Variants in LARGE1 observed in about 807,000 individuals in gnomAD.
The protein encoded by LARGE1 is xylosyl- and glucuronyltransferase LARGE1.
A neutral mutation model predicts 87.6 loss-of-function variants in LARGE1; 43 were observed. The ratio of observed to expected loss-of-function variants is 0.49; its 90% CI spans 0.38 to 0.63. The LOEUF (loss-of-function observed/expected upper bound fraction) is 0.63, where lower values mean the gene tolerates loss of function less well. Ranked by LOEUF, LARGE1 falls within the 30% of genes least tolerant of loss-of-function variation. The pLI is 0.00. For missense variants in LARGE1, 802 were observed against 1,000.2 expected, an observed-to-expected ratio of 0.80 and a Z score of 2.67; for synonymous variants, 434 against 394.6, an observed-to-expected ratio of 1.10 and a Z score of -1.18.
At chr22:33,530,351 C>T (rs761882584) in intron 6 of LARGE1, among the ~76,000 whole-genome samples, 8 of 152,074 alleles carry the variant, frequency 5.3e-5, no homozygotes, top group Non-Finnish European at 7.4e-5. Flanking sequence ...GCCAAAAGCT[C>T]TCCTAACTGA....
downstream of LARGE1, among the ~76,000 whole-genome samples, chr22:33,158,833 T>G (rs1308959755): frequency 2.0e-5 from 3 of 152,192 alleles, no homozygotes; most frequent in Non-Finnish European, 4.4e-5. Flanking sequence ...GCAGATAGAA[T>G]AGGGTGGAAT....
chr22:33,388,888 A>G (rs2065418573), intron 7 of LARGE1, among the ~76,000 whole-genome samples: 1 of 152,212 alleles, frequency 6.6e-6, no homozygotes. Flanking sequence ...GGCTTTATTC[A>G]ACATATTAAC....
chr22:33,156,244 G>A, the LARGE1 span, among the ~76,000 whole-genome samples: 110 of 152,236 alleles, frequency 7.2e-4, no homozygotes, highest in Admixed American at 2.6e-3. Flanking sequence ...ATCCCAGAAC[G>A]GTAGATCCAC....
chr22:33,406,923 G>T (rs2066122712), intron 7 of LARGE1, among the ~76,000 whole-genome samples: 1 of 152,006 alleles, frequency 6.6e-6, no homozygotes, highest in Admixed American at 6.6e-5. Flanking sequence ...CTCCCAAGGA[G>T]CTGGGATTAC....
At chr22:33,853,492 G>C (rs1443864744) in intron 1 of LARGE1, among the ~76,000 whole-genome samples, 2 of 152,218 alleles carry the variant, frequency 1.3e-5, no homozygotes, top group East Asian at 3.9e-4. Context: ...TCAACATCTA[G>C]ATGGCCAAAG....
intron 7 of LARGE1, among the ~76,000 whole-genome samples, chr22:33,386,614 T>G (rs1272530328): frequency 6.7e-6 from 1 of 148,832 alleles, no homozygotes; most frequent in African/African-American, 2.4e-5. Context: ...CAATATCATA[T>G]CACTGAATAT....
intron 2 of LARGE1, among the ~76,000 whole-genome samples, chr22:33,752,269 T>C (rs778033148): frequency 9.2e-5 from 14 of 152,126 alleles, no homozygotes; most frequent in Non-Finnish European, 1.8e-4. Context: ...GGTAATACTT[T>C]GGGTAAGTTT....
At chr22:33,580,388 A>G (rs1349668748) in intron 5 of LARGE1, among the ~76,000 whole-genome samples, 9 of 151,880 alleles carry the variant, frequency 5.9e-5, no homozygotes, top group Non-Finnish European at 1.2e-4. Context: ...AAAAAAAAAA[A>G]GCAGACACAA....
chr22:33,413,693 C>T (rs1047777234), intron 7 of LARGE1, among the ~76,000 whole-genome samples: 5 of 151,978 alleles, frequency 3.3e-5, no homozygotes, highest in Non-Finnish European at 7.4e-5. Context: ...TCTTGAACTC[C>T]TGACCTTGTG....
At chr22:33,910,784 G>GT (rs2065613007) in intron 1 of LARGE1, among the ~76,000 whole-genome samples, 1 of 152,160 alleles carries the variant, frequency 6.6e-6, no homozygotes, top group Non-Finnish European at 1.5e-5. Context: ...AAAAAGCAGC[G>GT]TAACAAGGCC....
chr22:33,414,224 CT>C (rs1451382647), intron 7 of LARGE1, among the ~76,000 whole-genome samples: 1 of 152,128 alleles, frequency 6.6e-6, no homozygotes, highest in African/African-American at 2.4e-5. Flanking sequence ...GTACATAATA[CT>C]GCATGATTCT....
intron 11 of LARGE1, among the ~76,000 whole-genome samples, chr22:33,185,173 C>T (rs1192934493): frequency 3.3e-5 from 5 of 152,030 alleles, no homozygotes; most frequent in Admixed American, 6.6e-5. Context: ...CAGTAGGTGA[C>T]TGGGTAAATA....
intron 1 of LARGE1, among the ~76,000 whole-genome samples, chr22:33,841,532 C>A (rs928595402): frequency 2.0e-5 from 3 of 152,216 alleles, no homozygotes; most frequent in Non-Finnish European, 1.5e-5. Context: ...GCAGCTCCAA[C>A]CTCTGAGTTC....
In LARGE1 at chr22:33,423,361, C is replaced by T. The variant is rs189289849; in HGVS notation, c.892+8800G>A. Among the ~76,000 whole-genome samples the T allele has an allele frequency of 7.9e-5, 12 of 151,958 alleles. No homozygotes were observed. In the East Asian group the frequency reaches 2.1e-3, roughly 27 times the overall value. On this transcript the variant is annotated intron_variant, in intron 7 of 14. Transcript: ENST00000397394. ...TACTCTTTATATTAAAGCCAGGGCA[C>T]TATATTAATTTTCTTTAAAAAAATT...
chr22:33,090,230 T>G, the LARGE1 span, among the ~76,000 whole-genome samples: 1 of 152,042 alleles, frequency 6.6e-6, no homozygotes, highest in Admixed American at 6.6e-5. Context: ...AAATAAATAA[T>G]AAAATAGAAA....
At chr22:33,104,941 T>TTCTTTC in the LARGE1 span, among the ~76,000 whole-genome samples, 2 of 135,604 alleles carry the variant, frequency 1.5e-5, no homozygotes, top group Non-Finnish European at 3.2e-5. Flanking sequence ...CTTTCTTTCT[T>TTCTTTC]TCTTTCTCTT....
chr22:33,515,978 C>T (rs569868157), intron 6 of LARGE1, among the ~76,000 whole-genome samples: 13 of 152,194 alleles, frequency 8.5e-5, no homozygotes, highest in Admixed American at 1.3e-4. Flanking sequence ...GAGTGAGCAA[C>T]GCCACCGTGT....
chr22:33,345,101 T>C (rs1445761164), intron 9 of LARGE1, among the ~76,000 whole-genome samples: 2 of 152,202 alleles, frequency 1.3e-5, no homozygotes, highest in Non-Finnish European at 2.9e-5. Flanking sequence ...TAATTATTAT[T>C]AGCAGCTAAC....
intron 2 of LARGE1, among the ~76,000 whole-genome samples, chr22:33,658,025 T>C (rs1440287379): frequency 6.6e-6 from 1 of 152,008 alleles, no homozygotes; most frequent in East Asian, 1.9e-4. Flanking sequence ...TGAACCCAGG[T>C]TCACTGGCTC....
Sources: gnomAD v4.1 joint callset for allele counts (sites outside exome capture counted in the v4.1 genomes callset) on GRCh38, gnomAD v4.1.1 for gene constraint, MANE v1.5 for transcripts, NCBI Gene and HGNC (gene_info 2026-07-23, HGNC 2026-07-21) for gene names.